Variants in KANK1 observed in about 807,000 individuals in gnomAD.
KANK1 encodes the protein KN motif and ankyrin repeat domains 1.
KANK1 carries 109 observed loss-of-function variants against 106.2 expected under a neutral mutation model. The observed-to-expected ratio is 1.03, with a 90% CI of 0.88 to 1.20. KANK1 has a LOEUF of 1.20. Ranked by LOEUF, KANK1 falls within the 50% of genes most tolerant of loss-of-function variation. KANK1 has a pLI of 0.00. For synonymous variants in KANK1, 873 were observed against 652.2 expected, an observed-to-expected ratio of 1.34 and a Z score of -5.16; for missense variants, 2,399 against 1,710.7, an observed-to-expected ratio of 1.40 and a Z score of -7.10.
intron 2 of KANK1, among the ~76,000 whole-genome samples, chr9:698,577 T>G (rs1362003305): frequency 6.6e-6 from 1 of 152,138 alleles, no homozygotes; most frequent in Non-Finnish European, 1.5e-5. Context: ...GTAGCTGGAA[T>G]TTGTCAGACC....
chr9:690,255 G>A (rs1451954933), intron 2 of KANK1, among the ~76,000 whole-genome samples: 2 of 148,904 alleles, frequency 1.3e-5, no homozygotes, highest in Admixed American at 6.7e-5. Flanking sequence ...GCAGTGAGCC[G>A]AGATCCCGCC....
chr9:668,756 C>G (rs144995422), intron 1 of KANK1, among the ~76,000 whole-genome samples: 1 of 152,230 alleles, frequency 6.6e-6, no homozygotes, highest in East Asian at 1.9e-4. Context: ...GTTTTGGCGC[C>G]AGGGACCAGT....
At chr9:516,684 C>T (rs1587422805) in intron 1 of KANK1, among the ~76,000 whole-genome samples, 1 of 151,350 alleles carries the variant, frequency 6.6e-6, no homozygotes, top group Non-Finnish European at 1.5e-5. Flanking sequence ...TTATGATGGG[C>T]CCAGGTGGGA....
chr9:552,908 G>A (rs998383862), intron 1 of KANK1, among the ~76,000 whole-genome samples: 1 of 152,218 alleles, frequency 6.6e-6, no homozygotes, highest in South Asian at 2.1e-4. Context: ...ACTTTGGGAA[G>A]CCAAGGCAAG....
At chr9:523,811 G>T (rs543463152) in intron 1 of KANK1, among the ~76,000 whole-genome samples, 1 of 119,564 alleles carries the variant, frequency 8.4e-6, no homozygotes, top group Admixed American at 8.4e-5. Context: ...AATCCGCTTG[G>T]CCTCTTCTTT....
At chr9:584,805 G>A (rs1397597827) in intron 1 of KANK1, among the ~76,000 whole-genome samples, 1 of 152,222 alleles carries the variant, frequency 6.6e-6, no homozygotes, top group South Asian at 2.1e-4. Flanking sequence ...AGAAGAGCAA[G>A]CTTGGGTATT....
chr9:654,229 C>T (rs1383284735), intron 1 of KANK1, among the ~76,000 whole-genome samples: 1 of 152,176 alleles, frequency 6.6e-6, no homozygotes, highest in Non-Finnish European at 1.5e-5. Context: ...TCTAATAAGT[C>T]CTCAGGTGAT....
chr9:704,059 T>A (rs996081894), intron 2 of KANK1, among the ~76,000 whole-genome samples: 1 of 152,198 alleles, frequency 6.6e-6, no homozygotes, highest in Non-Finnish European at 1.5e-5. Flanking sequence ...ATTAATAATT[T>A]AAGTTTTATT....
At chr9:504,873 G>A (rs1224151032) in intron 1 of KANK1, 119 bp downstream of exon 1, 1 of 145,936 alleles carries the variant, frequency 6.9e-6, no homozygotes, top group African/African-American at 2.5e-5. Flanking sequence ...CGCGCGCCGG[G>A]GTTGCGCGGC....
At chr9:658,047 C>T (rs1311959887) in intron 1 of KANK1, among the ~76,000 whole-genome samples, 1 of 151,784 alleles carries the variant, frequency 6.6e-6, no homozygotes, top group African/African-American at 2.4e-5. Flanking sequence ...TTCCATTCTG[C>T]TTTAAACAGT....
chr9:730,124 G>C lies in KANK1; in HGVS notation c.2772G>C (p.Gln924His), dbSNP rs1297029198. The C allele has an allele frequency of 1.2e-6, 2 of 1,614,178 alleles. No individual in the cohort carries two copies. The highest frequency in any genetic ancestry group is 3.3e-5 in the Admixed American group (2 of 60,022). Residue 924 changes from glutamine (Q) to histidine (H), a missense_variant, in exon 4 of 12, where the codon CAG becomes CAC. By Grantham distance (24) the Gln-to-His change is conservative. Transcript: ENST00000382297. The stretch of plus-strand genomic sequence containing the variant: ...GTCCCTTAAGCTCCCAGACATCCCA[G>C]CCTGAGCAAGAAGTGGGGACCTCAG... ...SGSPLSSQTS[Q>H]PEQEVGTSEG...
Position 631,659 on chromosome 9 carries a change from A to C in KANK1, c.-83-45231A>C, listed in dbSNP as rs192835444. ...TTCTGAGCTCAGGTGTCTTTCAGTGACTCCTGCTGCTTCCAAAATAAAGTC... is the reference window on the plus strand; with the variant it reads ...TTCTGAGCTCAGGTGTCTTTCAGTGCCTCCTGCTGCTTCCAAAATAAAGTC... On this transcript the variant is annotated intron_variant, in intron 1 of 11. Coordinates refer to ENST00000382297, the MANE Select transcript of KANK1 (RefSeq NM_015158.5). Among the ~76,000 whole-genome samples, 974 of 152,148 alleles carry C rather than the reference A, an allele frequency of 6.4e-3. 5 individuals are homozygous for C. The highest frequency in any genetic ancestry group is 0.01 in the Non-Finnish European group (702 of 67,998).
intron 3 of KANK1, chr9:488,978 T>C (rs2058337590): frequency 6.6e-6 from 1 of 152,172 alleles, no homozygotes; most frequent in Admixed American, 6.5e-5. Context: ...GGAGTCATCA[T>C]GGCACCATGC....
At chr9:580,863 G>A (rs1361047091) in intron 1 of KANK1, among the ~76,000 whole-genome samples, 2 of 152,192 alleles carry the variant, frequency 1.3e-5, no homozygotes, top group South Asian at 2.1e-4. Flanking sequence ...TGGAGCCCAC[G>A]GCATCTGGGG....
At chr9:498,488 A>T (rs2058492320) in intron 3 of KANK1, among the ~76,000 whole-genome samples, 2 of 152,228 alleles carry the variant, frequency 1.3e-5, no homozygotes. Flanking sequence ...CCTCCTTGTG[A>T]CCCACAACTG....
At chr9:608,025 A>ATTTGT (rs200257324) in intron 1 of KANK1, among the ~76,000 whole-genome samples, 1 of 78,166 alleles carries the variant, frequency 1.3e-5, no homozygotes, top group Non-Finnish European at 2.7e-5. Flanking sequence ...TATTATTATT[A>ATTTGT]TTATTATTAT....
At chr9:732,188 C>G (rs944104210) in intron 5 of KANK1, 190 bp from the exon 6 acceptor site, 7 of 577,956 alleles carry the variant, frequency 1.2e-5, no homozygotes, top group African/African-American at 1.1e-4. Context: ...ATACCGATAA[C>G]CAGTTTAAGT....
chr9:705,919 TA>T (rs1824014754), intron 2 of KANK1, among the ~76,000 whole-genome samples: 1 of 152,058 alleles, frequency 6.6e-6, no homozygotes, highest in African/African-American at 2.4e-5. Flanking sequence ...TTTTTTTAAT[TA>T]AGTTTTTTGC....
intron 1 of KANK1, among the ~76,000 whole-genome samples, chr9:636,158 C>T (rs766076061): frequency 6.6e-6 from 1 of 152,096 alleles, no homozygotes; most frequent in African/African-American, 2.4e-5. Flanking sequence ...TTTCAGTTGG[C>T]CTGGGTTAGG....
Sources: allele counts gnomAD v4.1 joint callset (sites outside exome capture counted in the v4.1 genomes callset), GRCh38; gene constraint gnomAD v4.1.1; transcripts MANE v1.5; gene names NCBI Gene and HGNC (gene_info 2026-07-23, HGNC 2026-07-21).